The following TBCE variants were observed in gnomAD, a reference collection of about 807,000 sequenced individuals.
The protein encoded by TBCE is tubulin folding cofactor E.
Under a neutral mutation model 77.0 loss-of-function variants are expected in TBCE, and 53 were observed. The ratio of observed to expected loss-of-function variants is 0.69; its 90% CI spans 0.55 to 0.87. The LOEUF is 0.87. Ranked by LOEUF, TBCE falls within the 40% of genes least tolerant of loss-of-function variation. TBCE has a pLI of 0.00. For missense variants in TBCE, 624 were observed against 622.4 expected (o/e 1.00, Z -0.03); for synonymous variants, 235 against 241.3 (o/e 0.97, Z 0.24).
At chr1:235,385,403 T>A (rs936116635) in intron 2 of TBCE, among the ~76,000 whole-genome samples, 2 of 152,102 alleles carry the variant, frequency 1.3e-5, no homozygotes, top group Non-Finnish European at 2.9e-5. Context: ...ATCTGTCTAA[T>A]GTTGACAGTG....
rs1177469868 is a variant in TBCE at position 235,434,285 on chromosome 1, C to T, written c.737+5C>T. 6.2e-7 allele frequency: 1 copy of T among 1,611,684 alleles called. No individual in the cohort carries two copies. The highest frequency in any genetic ancestry group is 8.5e-7 in the Non-Finnish European group (1 of 1,177,808). On this transcript the variant is annotated splice_donor_5th_base_variant and intron_variant, in intron 8 of 16. Coordinates refer to ENST00000642610, the MANE Select transcript of TBCE (RefSeq NM_003193.5). ...CAACATTTTCATTTCCGAAAGGTAACTAGCACTTACTTAAATGCATCTATC... is the reference window on the plus strand; with the variant it reads ...CAACATTTTCATTTCCGAAAGGTAATTAGCACTTACTTAAATGCATCTATC...
At chr1:235,404,253 C>T (rs958171494) in intron 3 of TBCE, among the ~76,000 whole-genome samples, 4 of 149,978 alleles carry the variant, frequency 2.7e-5, no homozygotes, top group African/African-American at 4.9e-5. Flanking sequence ...CTCCAGCCTG[C>T]GTGACAGAGC....
intron 2 of TBCE, among the ~76,000 whole-genome samples, chr1:235,390,884 C>A (rs1213157558): frequency 6.6e-6 from 1 of 151,934 alleles, no homozygotes; most frequent in Non-Finnish European, 1.5e-5. Flanking sequence ...AAGGAGTGTG[C>A]AGCCTCTAAG....
chr1:235,398,935 G>A (rs553650217), intron 2 of TBCE, among the ~76,000 whole-genome samples: 96 of 145,670 alleles, frequency 6.6e-4, no homozygotes, highest in African/African-American at 2.4e-3. Context: ...GTGAGCTCCC[G>A]TGCCCAGCCA....
chr1:235,407,315 G>T (rs1679502459), intron 3 of TBCE, among the ~76,000 whole-genome samples: 1 of 149,220 alleles, frequency 6.7e-6, no homozygotes, highest in Admixed American at 6.7e-5. Flanking sequence ...CAAACTCCTG[G>T]GCTTGAGTGA....
intron 3 of TBCE, among the ~76,000 whole-genome samples, chr1:235,411,697 A>T (rs1255840886): frequency 6.6e-6 from 1 of 152,136 alleles, no homozygotes; most frequent in African/African-American, 2.4e-5. Context: ...CAAATCACTG[A>T]TGTGTGTGTA....
At chr1:235,371,072 T>G (rs1264388241) in intron 1 of TBCE, among the ~76,000 whole-genome samples, 1 of 121,672 alleles carries the variant, frequency 8.2e-6, no homozygotes, top group Non-Finnish European at 1.6e-5. Context: ...TTTTTTTTTT[T>G]GAGACAGAGT....
intron 12 of TBCE, 45 bp downstream of exon 12, chr1:235,437,519 A>C (rs1176901896): frequency 6.2e-7 from 1 of 1,609,894 alleles, no homozygotes; most frequent in South Asian, 1.1e-5. Context: ...ACTAGAAAAT[A>C]AATGATTTTA....
intron 2 of TBCE, among the ~76,000 whole-genome samples, chr1:235,397,123 C>T (rs565263440): frequency 1.3e-5 from 2 of 151,690 alleles, no homozygotes; most frequent in South Asian, 2.1e-4. Flanking sequence ...TACAGGGGTG[C>T]GCCACCACGC....
At chr1:235,384,710 C>A (rs1268190408) in intron 2 of TBCE, among the ~76,000 whole-genome samples, 2 of 151,960 alleles carry the variant, frequency 1.3e-5, no homozygotes, top group Non-Finnish European at 2.9e-5. Context: ...TCTCTCTTTT[C>A]TTTTTATTAG....
In TBCE at chr1:235,402,737, G is replaced by T. The variant is rs377629870; in HGVS notation, c.185+1150G>T. On this transcript the variant is annotated intron_variant, in intron 3 of 16. Coordinates refer to ENST00000642610, the MANE Select transcript of TBCE (RefSeq NM_003193.5). ...ACTCCTGGGCTCAAGTGATCTTCGC[G>T]CCTCAGTCTCCTGAGTAGCTGGGAC... is the stretch of plus-strand genomic sequence containing the variant. Among the ~76,000 whole-genome samples the T allele has an allele frequency of 1.1e-3, 160 of 152,070 alleles. 1 individual carries two copies. Among genetic ancestry groups the T allele is most frequent in the African/African-American group, 3.6e-3 (151 of 41,444 alleles).
At chr1:235,445,566 G>C (rs1682198984) in intron 15 of TBCE, among the ~76,000 whole-genome samples, 1 of 152,188 alleles carries the variant, frequency 6.6e-6, no homozygotes, top group Non-Finnish European at 1.5e-5. Flanking sequence ...AGCCTGGGAA[G>C]TTGAGGCTGC....
chr1:235,430,663 C>T, intron 6 of TBCE, 42 bp from the exon 7 acceptor site: 1 of 1,433,668 alleles, frequency 7.0e-7, no homozygotes. Flanking sequence ...GTTGGGTTTA[C>T]TGTATAGAAA....
chr1:235,394,062 CAA>C (rs1265427505), intron 2 of TBCE, among the ~76,000 whole-genome samples: 3 of 152,106 alleles, frequency 2.0e-5, no homozygotes. Flanking sequence ...AAATTTGTAA[CAA>C]ATTTTATTTT....
chr1:235,422,209 ATTTCAGAAGAT>A (rs2102896931), intron 5 of TBCE, among the ~76,000 whole-genome samples: 1 of 152,316 alleles, frequency 6.6e-6, no homozygotes, highest in East Asian at 1.9e-4. Context: ...TTCCTAAACT[ATTTCAGAAGAT>A]TGGTAATCGG....
chr1:235,439,651 C>G (rs188800804), intron 13 of TBCE, among the ~76,000 whole-genome samples: 1 of 150,968 alleles, frequency 6.6e-6, no homozygotes, highest in Non-Finnish European at 1.5e-5. Context: ...CCACGCCCGA[C>G]TAATTTTTGT....
chr1:235,393,247 A>G (rs902265107), intron 2 of TBCE, among the ~76,000 whole-genome samples: 1 of 152,246 alleles, frequency 6.6e-6, no homozygotes. Context: ...TTTAAAAAAT[A>G]GTATTTAATG....
chr1:235,434,115 G>A, intron 7 of TBCE, 89 bp from the exon 8 acceptor site: 1 of 1,164,030 alleles, frequency 8.6e-7, no homozygotes, highest in Non-Finnish European at 1.3e-6. Context: ...AACAGTAACT[G>A]AGCTGAATTC....
Position 235,448,354 on chromosome 1 carries a change from A to G in TBCE, c.1405A>G (p.Met469Val). 6.2e-7 allele frequency: 1 copy of G among 1,613,980 alleles called. No individual in the cohort carries two copies. Reference sequence around the variant, plus strand: ...CTTTTCTTGTCTTTTGATAGGCTCCATGACAATTCAAAAGGTGAAGGGATT... The same window carrying G: ...CTTTTCTTGTCTTTTGATAGGCTCCGTGACAATTCAAAAGGTGAAGGGATT... ...KVLEKQLPGS[M>V]TIQKVKGLLS... The change falls in exon 16 of 17, where the codon ATG becomes GTG. Residue 469 changes from methionine (M) to valine (V), a missense_variant. Met to Val is a conservative substitution (Grantham distance 21). Coordinates refer to ENST00000642610, the MANE Select transcript of TBCE (RefSeq NM_003193.5).
Sources: gnomAD v4.1 joint callset for allele counts (sites outside exome capture counted in the v4.1 genomes callset) on GRCh38, gnomAD v4.1.1 for gene constraint, MANE v1.5 for transcripts, NCBI Gene and HGNC (gene_info 2026-07-23, HGNC 2026-07-21) for gene names.